Variants in TP63 observed in about 807,000 individuals in gnomAD.
TP63 encodes the protein tumor protein p63.
A neutral mutation model predicts 82.8 loss-of-function variants in TP63; 17 were observed. That is an observed-to-expected ratio of 0.21 (90% CI 0.14 to 0.31). The LOEUF (loss-of-function observed/expected upper bound fraction) is 0.31, where lower values mean the gene tolerates loss of function less well. Ranked by LOEUF, TP63 falls within the 10% of genes least tolerant of loss-of-function variation. TP63 has a pLI of 1.00. For missense variants in TP63, 648 were observed against 895.3 expected (o/e 0.72, Z 3.52); for synonymous variants, 330 against 321.7 (o/e 1.03, Z -0.28).
At chr3:189,799,173 A>G (rs778203989) in intron 3 of TP63, among the ~76,000 whole-genome samples, 1 of 152,128 alleles carries the variant, frequency 6.6e-6, no homozygotes, top group African/African-American at 2.4e-5. Context: ...ATAAATTTAT[A>G]TCATTTGCAA....
At chr3:189,829,690 T>C (rs891318874) in intron 4 of TP63, among the ~76,000 whole-genome samples, 3 of 152,206 alleles carry the variant, frequency 2.0e-5, no homozygotes, top group African/African-American at 7.2e-5. Context: ...TTTGGAGCTC[T>C]TAAAGAAAAA....
chr3:189,759,269 G>A (rs113296677), intron 3 of TP63, among the ~76,000 whole-genome samples: 5 of 152,246 alleles, frequency 3.3e-5, no homozygotes, highest in African/African-American at 1.2e-4. Context: ...AGTGAGAGTG[G>A]TGATCTTTCT....
At chr3:189,879,572 G>A (rs970064758) in intron 10 of TP63, among the ~76,000 whole-genome samples, 10 of 152,182 alleles carry the variant, frequency 6.6e-5, no homozygotes, top group African/African-American at 2.4e-4. Context: ...GACAAGAACT[G>A]TAATGAGGGA....
intron 4 of TP63, among the ~76,000 whole-genome samples, chr3:189,845,540 C>CT (rs1324407475): frequency 6.6e-6 from 1 of 151,892 alleles, no homozygotes; most frequent in Non-Finnish European, 1.5e-5. Flanking sequence ...ATTTTTCTCT[C>CT]TTTTTTAAAG....
chr3:189,842,570 AGGTTT>A (rs1417745346), intron 4 of TP63, among the ~76,000 whole-genome samples: 115 of 152,242 alleles, frequency 7.6e-4, no homozygotes, highest in African/African-American at 2.6e-3. Flanking sequence ...AGGAATGTCC[AGGTTT>A]GTTTTATTGA....
At chr3:189,640,053 A>G (rs1277469712) in intron 1 of TP63, among the ~76,000 whole-genome samples, 1 of 152,066 alleles carries the variant, frequency 6.6e-6, no homozygotes, top group East Asian at 1.9e-4. Flanking sequence ...TTCTGGCTCA[A>G]AGAAACTTCT....
At chr3:189,639,429 T>C (rs1711611278) in intron 1 of TP63, among the ~76,000 whole-genome samples, 1 of 152,166 alleles carries the variant, frequency 6.6e-6, no homozygotes, top group African/African-American at 2.4e-5. Context: ...TTATTTTTAT[T>C]GTTCGCCTTC....
At chr3:189,847,418 A>G (rs1240252693) in intron 4 of TP63, among the ~76,000 whole-genome samples, 1 of 152,220 alleles carries the variant, frequency 6.6e-6, no homozygotes, top group Non-Finnish European at 1.5e-5. Context: ...GTAACACTAT[A>G]CATTATCTAT....
chr3:189,724,942 T>C (rs572193210), intron 1 of TP63, among the ~76,000 whole-genome samples: 18 of 152,330 alleles, frequency 1.2e-4, no homozygotes, highest in Admixed American at 3.3e-4. Context: ...ATAATTGATA[T>C]TTAAAAAATA....
chr3:189,788,585 G>T (rs1265589441), intron 3 of TP63, among the ~76,000 whole-genome samples: 3 of 151,866 alleles, frequency 2.0e-5, no homozygotes, highest in Non-Finnish European at 2.9e-5. Flanking sequence ...TGAGTGGGGG[G>T]TGGGGGTGTA....
chr3:189,884,559 G>T (rs1286691372), intron 10 of TP63, among the ~76,000 whole-genome samples: 1 of 152,146 alleles, frequency 6.6e-6, no homozygotes, highest in Non-Finnish European at 1.5e-5. Flanking sequence ...ACCATGACCT[G>T]CTCCACAAGG....
At chr3:189,800,475 TA>T (rs72295286) in intron 3 of TP63, among the ~76,000 whole-genome samples, 98 of 134,812 alleles carry the variant, frequency 7.3e-4, no homozygotes, top group East Asian at 1.1e-3. Context: ...CTTTAATGAG[TA>T]AAAAAAAAAA....
chr3:189,803,175 G>A (rs1251762796), intron 3 of TP63, among the ~76,000 whole-genome samples: 1 of 152,188 alleles, frequency 6.6e-6, no homozygotes, highest in Non-Finnish European at 1.5e-5. Context: ...GCACCTGCCT[G>A]TAATCCTAGC....
intron 1 of TP63, among the ~76,000 whole-genome samples, chr3:189,696,922 T>C (rs1717422266): frequency 6.6e-6 from 1 of 152,148 alleles, no homozygotes; most frequent in Non-Finnish European, 1.5e-5. Context: ...ATTGTATATT[T>C]TGGATGTAAG....
chr3:189,892,239 C>G (rs1301906860), intron 13 of TP63, among the ~76,000 whole-genome samples: 12 of 152,080 alleles, frequency 7.9e-5, no homozygotes, highest in African/African-American at 2.9e-4. Flanking sequence ...TTATACTTTC[C>G]ACTTGCTCAC....
At position 189,886,427 on chromosome 3, in the gene TP63, C is replaced by T. The variant is rs1720452167; in HGVS notation, c.1383C>T (p.Asn461=). ...TSIQSPSSYG[N]SSPPLNKMNS... The stretch of plus-strand genomic sequence containing the variant: ...TACAGTCTCCATCTTCATATGGTAA[C>T]AGCTCCCCACCTCTGAACAAAATGA... The change falls in exon 11 of 14, where the codon AAC becomes AAT. Residue 461 remains asparagine, a synonymous_variant. Coordinates refer to ENST00000264731, the MANE Select transcript of TP63 (RefSeq NM_003722.5). The T allele has an allele frequency of 6.2e-7, 1 of 1,614,108 alleles. No homozygotes were observed. The highest frequency in any genetic ancestry group is 8.5e-7 in the Non-Finnish European group (1 of 1,180,000).
At chr3:189,724,558 G>A (rs987255923) in intron 1 of TP63, among the ~76,000 whole-genome samples, 1 of 152,160 alleles carries the variant, frequency 6.6e-6, no homozygotes, top group Non-Finnish European at 1.5e-5. Context: ...TCCCACTTAT[G>A]AGTGAGAACA....
intron 10 of TP63, among the ~76,000 whole-genome samples, chr3:189,876,967 A>G (rs1456129123): frequency 6.6e-6 from 1 of 152,218 alleles, no homozygotes; most frequent in East Asian, 1.9e-4. Context: ...TAGTGGGAAG[A>G]GAACGTACTT....
At chr3:189,792,941 A>G (rs189230263) in intron 3 of TP63, among the ~76,000 whole-genome samples, 2 of 152,218 alleles carry the variant, frequency 1.3e-5, no homozygotes, top group African/African-American at 2.4e-5. Context: ...TCAACCATTT[A>G]AAAGATATGG....
Sources: allele counts gnomAD v4.1 joint callset (sites outside exome capture counted in the v4.1 genomes callset), GRCh38; gene constraint gnomAD v4.1.1; transcripts MANE v1.5; gene names NCBI Gene and HGNC (gene_info 2026-07-23, HGNC 2026-07-21).